The following DSCAM variants were observed in gnomAD, a reference collection of about 807,000 sequenced individuals.
The protein encoded by DSCAM is cell adhesion molecule DSCAM.
DSCAM carries 47 observed loss-of-function variants against 217.7 expected under a neutral mutation model. The ratio of observed to expected loss-of-function variants is 0.22; its 90% CI spans 0.17 to 0.28. The LOEUF (loss-of-function observed/expected upper bound fraction) is 0.28. Among genes scored for constraint, DSCAM ranks in the 10% least tolerant of loss-of-function variants. The probability of loss-of-function intolerance (pLI) is 1.00; values close to 1 mark genes in which losing one functional copy is unlikely to be tolerated. For missense variants in DSCAM, 2,080 were observed against 2,618.3 expected (o/e 0.79, Z 4.49); for synonymous variants, 1,056 against 1,015.3 (o/e 1.04, Z -0.76).
intron 1 of DSCAM, among the ~76,000 whole-genome samples, chr21:40,713,672 T>C (rs2090807877): frequency 6.6e-6 from 1 of 152,210 alleles, no homozygotes; most frequent in Non-Finnish European, 1.5e-5. Flanking sequence ...GTTATGAGGA[T>C]GGCATATGGT....
chr21:40,170,607 C>G (rs2146781526), intron 15 of DSCAM, among the ~76,000 whole-genome samples: 1 of 152,280 alleles, frequency 6.6e-6, no homozygotes, highest in Non-Finnish European at 1.5e-5. Context: ...CACATGGGGT[C>G]AAGCTCTTAG....
chr21:40,588,108 C>T (rs1389756216), intron 3 of DSCAM, among the ~76,000 whole-genome samples: 5 of 152,136 alleles, frequency 3.3e-5, no homozygotes, highest in East Asian at 3.9e-4. Flanking sequence ...GACTTAAAGG[C>T]GTTCCTGATC....
intron 3 of DSCAM, among the ~76,000 whole-genome samples, chr21:40,489,774 C>CA (rs35247505): frequency 0.4 from 18,496 of 46,738 alleles, 6,156 homozygotes; most frequent in East Asian, 0.6. Context: ...GACTCCGTCT[C>CA]AAAAAAAAAA....
intron 11 of DSCAM, among the ~76,000 whole-genome samples, chr21:40,256,786 G>A (rs2073378366): frequency 1.3e-5 from 2 of 152,168 alleles, no homozygotes; most frequent in African/African-American, 2.4e-5. Flanking sequence ...TGAGTACCAT[G>A]CCTAGCAAAA....
intron 3 of DSCAM, among the ~76,000 whole-genome samples, chr21:40,492,794 C>T (rs747280209): frequency 1.3e-5 from 2 of 151,954 alleles, no homozygotes; most frequent in Non-Finnish European, 2.9e-5. Flanking sequence ...AAGAGGAAGA[C>T]TAAGAGGTAG....
intron 3 of DSCAM, among the ~76,000 whole-genome samples, chr21:40,579,284 C>A (rs1016477527): frequency 2.1e-5 from 3 of 145,376 alleles, no homozygotes; most frequent in African/African-American, 7.5e-5. Flanking sequence ...CAAAAAAAAA[C>A]CTCAATAAAA....
intron 3 of DSCAM, among the ~76,000 whole-genome samples, chr21:40,646,574 TC>T (rs2089949809): frequency 6.6e-6 from 1 of 152,230 alleles, no homozygotes; most frequent in South Asian, 2.1e-4. Flanking sequence ...TCCTAGCTTT[TC>T]TTCCTTGGAT....
intron 10 of DSCAM, among the ~76,000 whole-genome samples, chr21:40,282,590 C>CAA (rs528248714): frequency 0.012 from 380 of 32,896 alleles, 46 homozygotes; most frequent in Non-Finnish European, 0.018. Context: ...GACTCTGTCT[C>CAA]AAAAAAAAAA....
intron 7 of DSCAM, 84 bp from the exon 8 acceptor site, chr21:40,338,460 A>G (rs911872652): frequency 1.0e-5 from 14 of 1,387,924 alleles, no homozygotes; most frequent in Non-Finnish European, 1.4e-5. Flanking sequence ...CTTGAGTTAA[A>G]AATGTAGATT....
chr21:40,111,744 AAAAAAGG>A (rs1298365382), intron 20 of DSCAM, among the ~76,000 whole-genome samples: 3 of 152,276 alleles, frequency 2.0e-5, no homozygotes, highest in African/African-American at 7.2e-5. Flanking sequence ...ATAGAAAACA[AAAAAAGG>A]CAGGGGTTGC....
chr21:40,752,054 A>G (rs2091234556), intron 1 of DSCAM, among the ~76,000 whole-genome samples: 1 of 151,984 alleles, frequency 6.6e-6, no homozygotes, highest in Non-Finnish European at 1.5e-5. Context: ...AATAGACAAA[A>G]CTCCAAGAAG....
intron 23 of DSCAM, 129 bp from the exon 24 acceptor site, chr21:40,084,135 C>A: frequency 1.6e-6 from 1 of 637,988 alleles, no homozygotes; most frequent in Non-Finnish European, 2.7e-6. Flanking sequence ...CCAAAATATA[C>A]AATTCACTTC....
At chr21:40,430,972 G>A (rs2075525445) in intron 3 of DSCAM, among the ~76,000 whole-genome samples, 2 of 152,148 alleles carry the variant, frequency 1.3e-5, no homozygotes. Flanking sequence ...AGCTGGAGAG[G>A]GAGAAAAACA....
intron 3 of DSCAM, among the ~76,000 whole-genome samples, chr21:40,406,503 T>C (rs765499107): frequency 1.3e-5 from 2 of 152,202 alleles, no homozygotes; most frequent in Non-Finnish European, 2.9e-5. Flanking sequence ...ACAACATGGA[T>C]AAACCTGAAG....
At chr21:40,694,977 T>G (rs1213891774) in intron 2 of DSCAM, among the ~76,000 whole-genome samples, 2 of 152,116 alleles carry the variant, frequency 1.3e-5, no homozygotes, top group African/African-American at 4.8e-5. Flanking sequence ...AAAGAGGGAC[T>G]GGTCAACAGA....
intron 3 of DSCAM, among the ~76,000 whole-genome samples, chr21:40,531,554 G>A (rs1334979510): frequency 6.6e-6 from 1 of 152,200 alleles, no homozygotes; most frequent in Non-Finnish European, 1.5e-5. Context: ...GCTGCTCAGT[G>A]AGCTTGCTCA....
At chr21:40,690,624 G>A (rs1374064792) in intron 3 of DSCAM, among the ~76,000 whole-genome samples, 3 of 152,070 alleles carry the variant, frequency 2.0e-5, no homozygotes, top group African/African-American at 7.2e-5. Flanking sequence ...CTATCAGAGG[G>A]GCATAAATTC....
intron 3 of DSCAM, among the ~76,000 whole-genome samples, chr21:40,485,866 C>A (rs926901878): frequency 6.6e-6 from 1 of 150,666 alleles, no homozygotes; most frequent in Non-Finnish European, 1.5e-5. Flanking sequence ...CACACATATA[C>A]ACACAGTCTG....
chr21:40,634,880 CCCTT>C (rs1391540650), intron 3 of DSCAM, among the ~76,000 whole-genome samples: 1 of 152,222 alleles, frequency 6.6e-6, no homozygotes, highest in Non-Finnish European at 1.5e-5. Flanking sequence ...CCTACTATCA[CCCTT>C]CCTTGAGTTA....
Sources: gnomAD v4.1 joint callset for allele counts (sites outside exome capture counted in the v4.1 genomes callset) on GRCh38, gnomAD v4.1.1 for gene constraint, MANE v1.5 for transcripts, NCBI Gene and HGNC (gene_info 2026-07-23, HGNC 2026-07-21) for gene names.